The following UBE3C variants were observed in gnomAD, a reference collection of about 807,000 sequenced individuals.
The protein encoded by UBE3C is ubiquitin-protein ligase E3C.
A neutral mutation model predicts 129.4 loss-of-function variants in UBE3C; 42 were observed. The observed-to-expected ratio is 0.32, with a 90% CI of 0.25 to 0.42. UBE3C has a LOEUF of 0.42. UBE3C is among the 10% of genes least tolerant of loss of function. The probability of loss-of-function intolerance (pLI) is 1.00; values close to 1 mark genes in which losing one functional copy is unlikely to be tolerated. For missense variants in UBE3C, 1,049 were observed against 1,319.1 expected (o/e 0.80, Z 3.17); for synonymous variants, 510 against 492.4 (o/e 1.04, Z -0.47).
intron 1 of UBE3C, among the ~76,000 whole-genome samples, chr7:157,152,119 C>T (rs1182900876): frequency 6.6e-6 from 1 of 152,042 alleles, no homozygotes; most frequent in African/African-American, 2.4e-5. Context: ...ACGTGGTGTT[C>T]AGCTACAGGT....
chr7:157,197,799 C>T (rs754157624), intron 10 of UBE3C: 1 of 1,613,110 alleles, frequency 6.2e-7, no homozygotes, highest in Non-Finnish European at 8.5e-7. Context: ...CAAACGACTC[C>T]CATCTGCTAA....
intron 1 of UBE3C, among the ~76,000 whole-genome samples, chr7:157,147,042 A>G (rs574618990): frequency 1.1e-4 from 17 of 152,164 alleles, no homozygotes; most frequent in African/African-American, 4.1e-4. Flanking sequence ...GCCTCTCCAT[A>G]AGAGTCAGTT....
intron 3 of UBE3C, among the ~76,000 whole-genome samples, chr7:157,169,538 G>A (rs1343038144): frequency 6.6e-6 from 1 of 152,078 alleles, no homozygotes; most frequent in East Asian, 1.9e-4. Context: ...ACCACGTGCA[G>A]CTGATTTTTG....
chr7:157,139,618 T>TG (rs1345938191), intron 1 of UBE3C, among the ~76,000 whole-genome samples: 1 of 152,124 alleles, frequency 6.6e-6, no homozygotes, highest in African/African-American at 2.4e-5. Context: ...GCCGCGCCCG[T>TG]GGGGGCCTTG....
intron 22 of UBE3C, 106 bp from the exon 23 acceptor site, chr7:157,267,479 T>A: frequency 1.5e-6 from 2 of 1,337,222 alleles, no homozygotes; most frequent in Non-Finnish European, 2.1e-6. Context: ...GTGACTGCAA[T>A]GGTAACTTTA....
chr7:157,259,996 A>G (rs570571252), intron 22 of UBE3C, among the ~76,000 whole-genome samples: 110 of 152,334 alleles, frequency 7.2e-4, no homozygotes, highest in African/African-American at 2.5e-3. Context: ...AAATAGGTCA[A>G]TCATCGACGC....
chr7:157,198,267 G>A (rs1184810790), intron 10 of UBE3C: 1 of 1,090,482 alleles, frequency 9.2e-7, no homozygotes, highest in Non-Finnish European at 1.4e-6. Context: ...CATTGAGGTG[G>A]TGTCCGTGGG....
At chr7:157,154,532 T>C (rs1807850333) in intron 1 of UBE3C, among the ~76,000 whole-genome samples, 1 of 152,214 alleles carries the variant, frequency 6.6e-6, no homozygotes, top group African/African-American at 2.4e-5. Context: ...TCGGCATCTT[T>C]ATATTTGTTA....
At chr7:157,248,622 T>G in intron 19 of UBE3C, 42 bp downstream of exon 19, 1 of 1,585,238 alleles carries the variant, frequency 6.3e-7, no homozygotes, top group Non-Finnish European at 8.6e-7. Flanking sequence ...GTATAGCAAG[T>G]AGCAGCATCT....
chr7:157,152,855 T>C (rs1045165561), intron 1 of UBE3C, among the ~76,000 whole-genome samples: 3 of 152,152 alleles, frequency 2.0e-5, no homozygotes, highest in African/African-American at 7.2e-5. Context: ...GTTCCAACAG[T>C]CCTACATCTT....
At chr7:157,208,945 C>T (rs771747480) in intron 13 of UBE3C, among the ~76,000 whole-genome samples, 3 of 152,230 alleles carry the variant, frequency 2.0e-5, no homozygotes, top group Non-Finnish European at 2.9e-5. Flanking sequence ...TTAATACCAG[C>T]GACCTCTCGC....
At chr7:157,165,193 A>T (rs781441956) in intron 2 of UBE3C, among the ~76,000 whole-genome samples, 1 of 152,056 alleles carries the variant, frequency 6.6e-6, no homozygotes, top group African/African-American at 2.4e-5. Context: ...CTCGGCCATT[A>T]TCTCTTCCAT....
chr7:157,195,359 A>G (rs755550417), intron 10 of UBE3C, among the ~76,000 whole-genome samples: 2 of 152,198 alleles, frequency 1.3e-5, no homozygotes, highest in Non-Finnish European at 2.9e-5. Flanking sequence ...AGAAGAAACA[A>G]ACTGATAAGC....
At position 157,159,324 on chromosome 7, in the gene UBE3C, TA is replaced by T. The variant is rs11370278; in HGVS notation, c.67-4474del. On this transcript the variant is annotated intron_variant, in intron 1 of 22. Transcript: ENST00000348165. ...GCATGTGGGGAAAAAAAGAAAAGAT[TA>T]AAAAAAAAAAACAGAATTAGGATTA... 7.4e-3 allele frequency among the ~76,000 whole-genome samples: 1,075 copies of T among 145,400 alleles called. 19 individuals are homozygous for T. Among genetic ancestry groups the T allele is most frequent in the South Asian group, 0.049 (225 of 4,636 alleles).
chr7:157,258,814 G>C, intron 22 of UBE3C, among the ~76,000 whole-genome samples: 1 of 152,144 alleles, frequency 6.6e-6, no homozygotes, highest in Admixed American at 6.5e-5. Flanking sequence ...TTTTTACTTC[G>C]AAACTATTTT....
rs1364220781 is a variant in UBE3C, at chr7:157,268,744, C to T, written c.*989C>T. 1 of 152,682 alleles carries T rather than the reference C, an allele frequency of 6.5e-6. No homozygotes were observed. Among genetic ancestry groups the T allele is most frequent in the Non-Finnish European group, 1.5e-5 (1 of 68,062 alleles). The allele number at this position is 152,682 out of a possible 1,614,324, so 9.5% of individuals were successfully genotyped here. A position where few individuals can be genotyped will look rare whatever the true frequency, so the allele number is the denominator to read the frequency against. ...TCCTGGTGCTGCTCTGACTCGAAGA[C>T]GGGACAGTCCCTGGTGCACATCCAG... is the stretch of plus-strand genomic sequence containing the variant. On this transcript the variant is annotated 3_prime_UTR_variant, in exon 23 of 23. Transcript: ENST00000348165.
intron 17 of UBE3C, among the ~76,000 whole-genome samples, chr7:157,228,639 A>G (rs1795940176): frequency 1.3e-5 from 2 of 152,232 alleles, no homozygotes; most frequent in Non-Finnish European, 2.9e-5. Flanking sequence ...TGTTTACCTG[A>G]TTCCCAAGGG....
In UBE3C at chr7:157,254,093, A is replaced by G; in HGVS notation, c.2834A>G (p.Asn945Ser). 1.2e-6 allele frequency: 2 copies of G among 1,613,180 alleles called. No individual in the cohort carries two copies. The highest frequency in any genetic ancestry group is 8.5e-7 in the Non-Finnish European group (1 of 1,179,666). The change falls in exon 20 of 23, where the codon AAT becomes AGT. Residue 945 changes from asparagine (N) to serine (S), a missense_variant. Asn to Ser is a conservative substitution (Grantham distance 46, BLOSUM62 1). Around this residue, in one of 4 missense-constraint regions of UBE3C, gnomAD observed 243 missense variants for 368.7 expected, o/e 0.66. Coordinates refer to ENST00000348165, the MANE Select transcript of UBE3C (RefSeq NM_014671.3). ...CTGGCTTTCCGCCAGGGCCTTGCCAATGTCGTCAGCCTCGAGTGGCTCCGA... is the reference window on the plus strand; with the variant it reads ...CTGGCTTTCCGCCAGGGCCTTGCCAGTGTCGTCAGCCTCGAGTGGCTCCGA... ...HCLAFRQGLANVVSLEWLRMF... is the reference protein window; with the variant it reads ...HCLAFRQGLASVVSLEWLRMF...
rs1796742386 is a variant in UBE3C, at chr7:157,256,020, G to GA, written c.2951-894_2951-893insA. 5.3e-5 allele frequency among the ~76,000 whole-genome samples: 8 copies of GA among 152,312 alleles called. No homozygotes were observed. In the South Asian group the frequency reaches 1.7e-3, roughly 32 times the overall value. Reference sequence around the variant, plus strand: ...GCCACGTGCAAGCCCCTTCTCTGCCGTCTGTTCAGCGGCGGCTTTGAACTG... The same window carrying GA: ...GCCACGTGCAAGCCCCTTCTCTGCCGATCTGTTCAGCGGCGGCTTTGAACTG... On this transcript the variant is annotated intron_variant, in intron 21 of 22. Coordinates refer to ENST00000348165, the MANE Select transcript of UBE3C (RefSeq NM_014671.3).
Sources: allele counts gnomAD v4.1 joint callset (sites outside exome capture counted in the v4.1 genomes callset), GRCh38; gene constraint gnomAD v4.1.1; regional missense constraint gnomAD v4.1.1; transcripts MANE v1.5; gene names NCBI Gene and HGNC (gene_info 2026-07-23, HGNC 2026-07-21).